The following MSR1 variants were observed in gnomAD, a reference collection of about 807,000 sequenced individuals.
MSR1 encodes the protein macrophage scavenger receptor 1, also known as macrophage scavenger receptor types I and II.
Under a neutral mutation model 47.2 loss-of-function variants are expected in MSR1, and 53 were observed. The observed-to-expected ratio is 1.12, with a 90% CI of 0.90 to 1.41. The LOEUF (loss-of-function observed/expected upper bound fraction) is 1.41, where lower values mean the gene tolerates loss of function less well. Ranked by LOEUF, MSR1 falls within the 40% of genes most tolerant of loss-of-function variation. The probability of loss-of-function intolerance (pLI) is 0.00; values close to 1 mark genes in which losing one functional copy is unlikely to be tolerated. For missense variants in MSR1, 786 were observed against 546.9 expected (o/e 1.44, Z -4.36); for synonymous variants, 239 against 185.6 (o/e 1.29, Z -2.34).
rs1337193490 is a variant in MSR1, at chr8:16,150,136, G to GTATATATA, written c.979+94_979+95insTATATATA. 334 of 190,228 alleles carry GTATATATA rather than the reference G, an allele frequency of 1.8e-3. 1 individual carries two copies. Among genetic ancestry groups the GTATATATA allele is most frequent in the African/African-American group, 0.015 (311 of 21,150 alleles). 11.8% of individuals were successfully genotyped at this position (190,228 alleles called of 1,614,324 possible). The stretch of plus-strand genomic sequence containing the variant: ...ACATTATGTGTGTGTGTATGTGTGT[G>GTATATATA]TGTGTATATATATATATATATATAT... On this transcript the variant is annotated intron_variant, in intron 7 of 9. Transcript: ENST00000262101.
At position 16,177,854 on chromosome 8, in the gene MSR1, C is replaced by G. The variant is rs191693779; in HGVS notation, c.103+32G>C. ...ATTTTGTCAATAACTCTAAGAACAA[C>G]CTCCATGGGCAGCCCATCCCCCTCT... On this transcript the variant is annotated intron_variant, in intron 2 of 9. Transcript: ENST00000262101. 1.3e-6 allele frequency: 2 copies of G among 1,552,846 alleles called. 1 individual carries two copies. Among genetic ancestry groups the G allele is most frequent in the Admixed American group, 3.3e-5 (2 of 59,794 alleles).
intron 3 of MSR1, among the ~76,000 whole-genome samples, chr8:16,170,952 T>C (rs1462936597): frequency 6.6e-6 from 1 of 152,202 alleles, no homozygotes; most frequent in Non-Finnish European, 1.5e-5. Flanking sequence ...TTATCTCAGT[T>C]ACAGAGTCCA....
At chr8:16,182,388 T>A (rs188433678) in intron 1 of MSR1, among the ~76,000 whole-genome samples, 2 of 152,260 alleles carry the variant, frequency 1.3e-5, no homozygotes, top group Admixed American at 1.3e-4. Flanking sequence ...ATAAAAAATT[T>A]TATTTGTTCA....
chr8:16,174,205 T>C (rs1291159290), intron 3 of MSR1, among the ~76,000 whole-genome samples: 4 of 152,182 alleles, frequency 2.6e-5, no homozygotes, highest in African/African-American at 9.6e-5. Flanking sequence ...AATACTTCCT[T>C]AGACTGCCCT....
At chr8:16,126,943 G>A (rs1328597301) in intron 8 of MSR1, among the ~76,000 whole-genome samples, 1 of 152,154 alleles carries the variant, frequency 6.6e-6, no homozygotes, top group Non-Finnish European at 1.5e-5. Context: ...TGGGGATTAA[G>A]TAAAGGAGGT....
At chr8:16,130,295 C>A (rs1800226308) in intron 8 of MSR1, among the ~76,000 whole-genome samples, 1 of 152,120 alleles carries the variant, frequency 6.6e-6, no homozygotes, top group Non-Finnish European at 1.5e-5. Flanking sequence ...CTGTGTCCTG[C>A]AAGTCTGTCA....
At chr8:16,185,280 C>A (rs1228891915) in intron 1 of MSR1, among the ~76,000 whole-genome samples, 1 of 152,132 alleles carries the variant, frequency 6.6e-6, no homozygotes, top group Non-Finnish European at 1.5e-5. Flanking sequence ...ACTTCCATGG[C>A]TTGAACTACT....
intron 1 of MSR1, among the ~76,000 whole-genome samples, chr8:16,188,199 G>T (rs1802058358): frequency 6.6e-6 from 1 of 152,014 alleles, no homozygotes; most frequent in South Asian, 2.1e-4. Flanking sequence ...AAAGTTTACA[G>T]GAAATTCATA....
chr8:16,164,515 C>CTA (rs1346169755), intron 4 of MSR1, among the ~76,000 whole-genome samples: 1 of 151,698 alleles, frequency 6.6e-6, no homozygotes, highest in African/African-American at 2.4e-5. Flanking sequence ...GTTTCTATTC[C>CTA]TATATATATA....
At chr8:16,154,289 C>A (rs1238652255) in intron 6 of MSR1, among the ~76,000 whole-genome samples, 1 of 151,934 alleles carries the variant, frequency 6.6e-6, no homozygotes, top group Non-Finnish European at 1.5e-5. Flanking sequence ...CAGTATACTT[C>A]CTACCATCAA....
chr8:16,126,706 CAG>C (rs1457018253), intron 8 of MSR1, among the ~76,000 whole-genome samples: 1 of 152,052 alleles, frequency 6.6e-6, no homozygotes, highest in Admixed American at 6.5e-5. Flanking sequence ...GTATTTGGGA[CAG>C]AGTCAAGAGG....
chr8:16,176,802 T>C (rs1706910748), intron 2 of MSR1, among the ~76,000 whole-genome samples: 1 of 152,182 alleles, frequency 6.6e-6, no homozygotes. Flanking sequence ...TGTTATCTTT[T>C]CTTACATGTG....
At chr8:16,180,412 T>G (rs1442852278) in intron 1 of MSR1, among the ~76,000 whole-genome samples, 9 of 152,136 alleles carry the variant, frequency 5.9e-5, no homozygotes, top group Admixed American at 2.6e-4. Flanking sequence ...CTCAAGAATT[T>G]GCAATTCCAA....
rs573558509 is a variant in MSR1 at position 16,164,088 on chromosome 8, A to G, written c.794T>C (p.Leu265Ser). Residue 265 changes from leucine to serine, a missense_variant, in exon 5 of 10, where the codon TTG becomes TCG. Leu to Ser is a moderately radical substitution (Grantham distance 145). Transcript: ENST00000262101. ...RLKDWEHSQT[L>S]RNITLIQGPP... ...ACCTTGAATTAAAGTGATATTTCTC[A>G]AGGTCTGAGAATGTTCCCAATCTTT... 3.5e-5 allele frequency: 56 copies of G among 1,609,148 alleles called. No individual in the cohort carries two copies. In the South Asian group the frequency reaches 5.9e-4, roughly 17 times the overall value.
At chr8:16,129,864 AAAAT>A (rs1249786065) in intron 8 of MSR1, among the ~76,000 whole-genome samples, 2 of 152,172 alleles carry the variant, frequency 1.3e-5, no homozygotes, top group Non-Finnish European at 2.9e-5. Flanking sequence ...GAATTTGAGC[AAAAT>A]AAATAATCTT....
At chr8:16,112,311 G>C (rs925991991) in intron 9 of MSR1, among the ~76,000 whole-genome samples, 1 of 152,046 alleles carries the variant, frequency 6.6e-6, no homozygotes, top group Non-Finnish European at 1.5e-5. Context: ...GTTAAATAAT[G>C]ATAATTATCT....
intron 8 of MSR1, among the ~76,000 whole-genome samples, chr8:16,142,335 A>C (rs961283125): frequency 4.3e-4 from 65 of 151,912 alleles, no homozygotes; most frequent in African/African-American, 1.5e-3. Context: ...ATCTCAAAAC[A>C]AACAAACAAA....
intron 3 of MSR1, 90 bp from the exon 4 acceptor site, chr8:16,168,960 T>C: frequency 7.6e-7 from 1 of 1,323,246 alleles, no homozygotes; most frequent in Non-Finnish European, 1.1e-6. Flanking sequence ...CCGTTCATTT[T>C]ATTCCATTCC....
At chr8:16,176,523 A>AG (rs1167383807) in intron 2 of MSR1, among the ~76,000 whole-genome samples, 5 of 151,872 alleles carry the variant, frequency 3.3e-5, no homozygotes, top group Admixed American at 3.3e-4. Context: ...AAAAAAAAAA[A>AG]AAGGAAAAGA....
Sources: allele counts gnomAD v4.1 joint callset (sites outside exome capture counted in the v4.1 genomes callset), GRCh38; gene constraint gnomAD v4.1.1; transcripts MANE v1.5; gene names NCBI Gene and HGNC (gene_info 2026-07-23, HGNC 2026-07-21).